Variants in GPBP1L1 observed in about 807,000 individuals in gnomAD.
GPBP1L1 encodes the protein vasculin-like protein 1.
A neutral mutation model predicts 52.5 loss-of-function variants in GPBP1L1; 23 were observed. That is an observed-to-expected ratio of 0.44 (90% confidence interval 0.32 to 0.62). GPBP1L1 has a LOEUF of 0.62. GPBP1L1 is among the 20% of genes least tolerant of loss of function. The pLI is 0.06. For synonymous variants in GPBP1L1, 243 were observed against 203.1 expected (o/e 1.20, Z -1.67); for missense variants, 596 against 579.3 (o/e 1.03, Z -0.30).
chr1:45,633,899 T>C, intron 9 of GPBP1L1, 197 bp downstream of exon 9: 2 of 672,518 alleles, frequency 3.0e-6, no homozygotes, highest in Non-Finnish European at 2.4e-6. Flanking sequence ...TAGGATGACC[T>C]TGGTCCACCA....
At chr1:45,630,335 C>T in intron 11 of GPBP1L1, 147 bp downstream of exon 11, 1 of 864,510 alleles carries the variant, frequency 1.2e-6, no homozygotes, top group Non-Finnish European at 1.8e-6. Context: ...GAGCAACAGG[C>T]CAACCTGGGG....
intron 7 of GPBP1L1, among the ~76,000 whole-genome samples, chr1:45,642,091 T>C (rs924177027): frequency 7.9e-5 from 12 of 152,116 alleles, no homozygotes; most frequent in Non-Finnish European, 1.2e-4. Flanking sequence ...TGAGCTGAGA[T>C]TGCGCCACTG....
chr1:45,649,779 T>C (rs1384657794), intron 6 of GPBP1L1, among the ~76,000 whole-genome samples: 2 of 152,186 alleles, frequency 1.3e-5, no homozygotes, highest in Non-Finnish European at 2.9e-5. Context: ...TGAAGATTAT[T>C]AACACTTCCA....
In GPBP1L1 at chr1:45,676,697, C is replaced by T. The variant is rs549746173; in HGVS notation, c.-1098+8879G>A. 1.5e-4 allele frequency among the ~76,000 whole-genome samples: 19 copies of T among 129,494 alleles called. No homozygotes were observed. In the East Asian group the frequency reaches 4.2e-3, roughly 29 times the overall value. The allele number at this position is 129,494 out of a possible 152,430, so 85.0% of individuals were successfully genotyped here. A position where few individuals can be genotyped will look rare whatever the true frequency, so the allele number is the denominator to read the frequency against. ...TGCATTCCAGCCTGGGCAACAAGAG[C>T]GAAACTCTGTCTCAAAAAAAAAAAA... On this transcript the variant is annotated intron_variant, in intron 2 of 12. Transcript: ENST00000355105.
chr1:45,650,572 A>T (rs766383672), intron 6 of GPBP1L1, among the ~76,000 whole-genome samples: 2 of 152,272 alleles, frequency 1.3e-5, no homozygotes, highest in African/African-American at 2.4e-5. Flanking sequence ...ATACGATTTT[A>T]AAATAATTTT....
In GPBP1L1 at chr1:45,655,497, T is replaced by C. The variant is rs1220621526; in HGVS notation, c.61-178A>G. 7.2e-6 allele frequency: 4 copies of C among 554,108 alleles called. No homozygotes were observed. The East Asian group carries it at 1.3e-4, about 18-fold the overall frequency. The allele number at this position is 554,108 out of a possible 1,614,324, so 34.3% of individuals were successfully genotyped here. On this transcript the variant is annotated intron_variant, in intron 4 of 12. Coordinates refer to ENST00000355105, the MANE Select transcript of GPBP1L1 (RefSeq NM_021639.5). The stretch of plus-strand genomic sequence containing the variant: ...GTGCCTAATTTAGAGAAGTCCTAGG[T>C]TATATATTCAATTGCTAATTCACTT...
chr1:45,648,076 G>A (rs1178129479), intron 6 of GPBP1L1, among the ~76,000 whole-genome samples: 1 of 152,002 alleles, frequency 6.6e-6, no homozygotes, highest in Non-Finnish European at 1.5e-5. Flanking sequence ...GAGTAGCTGG[G>A]ACTACCAGGT....
In GPBP1L1 at chr1:45,628,045, C is replaced by G; in HGVS notation, c.*211G>C. 1.9e-6 allele frequency: 1 copy of G among 530,970 alleles called. No individual in the cohort carries two copies. The highest frequency in any genetic ancestry group is 2.2e-5 in the South Asian group (1 of 46,142). 32.9% of individuals were successfully genotyped at this position (530,970 alleles called of 1,614,324 possible). ...GTGAGTGTGTTTAAAAAATCTGTCC[C>G]ACCACACAAACTTCTCTCTATAAAG... On this transcript the variant is annotated 3_prime_UTR_variant, in exon 13 of 13. Transcript: ENST00000355105.
chr1:45,680,233 C>A (rs1277838920), intron 2 of GPBP1L1, among the ~76,000 whole-genome samples: 1 of 143,974 alleles, frequency 6.9e-6, no homozygotes, highest in Non-Finnish European at 1.5e-5. Flanking sequence ...GATTGAGACA[C>A]GCTTTTTTTT....
intron 10 of GPBP1L1, among the ~76,000 whole-genome samples, chr1:45,632,399 T>C (rs765937368): frequency 5.3e-5 from 8 of 151,936 alleles, no homozygotes; most frequent in Non-Finnish European, 1.0e-4. Context: ...TGAAACTCCA[T>C]CTCAAAAAAT....
intron 2 of GPBP1L1, among the ~76,000 whole-genome samples, chr1:45,683,901 GAC>G (rs371748213): frequency 1.4e-4 from 21 of 146,690 alleles, no homozygotes; most frequent in African/African-American, 5.3e-4. Context: ...CAATCTGGGT[GAC>G]AGAGTGAGAC....
chr1:45,628,798 G>C (rs549712896), intron 12 of GPBP1L1, among the ~76,000 whole-genome samples: 5 of 152,274 alleles, frequency 3.3e-5, no homozygotes, highest in South Asian at 4.1e-4. Context: ...CAAGTAGCTT[G>C]GATTACAGGC....
chr1:45,639,660 A>G (rs1644644378), intron 8 of GPBP1L1, among the ~76,000 whole-genome samples: 1 of 151,650 alleles, frequency 6.6e-6, no homozygotes, highest in Non-Finnish European at 1.5e-5. Flanking sequence ...GCGGATCACG[A>G]GGTCAGGAGA....
chr1:45,634,843 C>T (rs1644574557), intron 8 of GPBP1L1: 1 of 152,240 alleles, frequency 6.6e-6, no homozygotes, highest in African/African-American at 2.4e-5. Flanking sequence ...GCCATAACCC[C>T]AAGTATGATA....
In GPBP1L1 at chr1:45,648,683, T is replaced by C. The variant is rs1457229906; in HGVS notation, c.477+5860A>G. ...TTGACGTAGATGGCATCTGTAGATTTTGTTGGTTCCTCAACTCTACTTGCT... is the reference window on the plus strand; with the variant it reads ...TTGACGTAGATGGCATCTGTAGATTCTGTTGGTTCCTCAACTCTACTTGCT... On this transcript the variant is annotated intron_variant, in intron 6 of 12. Transcript: ENST00000355105. Among the ~76,000 whole-genome samples, 9 of 152,360 alleles carry C rather than the reference T, an allele frequency of 5.9e-5. No individual in the cohort carries two copies. The South Asian group carries it at 1.4e-3, about 25-fold the overall frequency.
At chr1:45,670,308 G>C (rs967187441) in intron 2 of GPBP1L1, among the ~76,000 whole-genome samples, 1 of 152,132 alleles carries the variant, frequency 6.6e-6, no homozygotes, top group South Asian at 2.1e-4. Context: ...TCTTTTGGTT[G>C]TTGATCTTAT....
At chr1:45,639,877 C>A (rs1299845589) in intron 8 of GPBP1L1, among the ~76,000 whole-genome samples, 1 of 151,196 alleles carries the variant, frequency 6.6e-6, no homozygotes, top group Non-Finnish European at 1.5e-5. Context: ...GGCTCCATCT[C>A]AAAAAAACAA....
chr1:45,636,263 T>G (rs1318816186), intron 8 of GPBP1L1, among the ~76,000 whole-genome samples: 2 of 152,182 alleles, frequency 1.3e-5, no homozygotes, highest in African/African-American at 4.8e-5. Flanking sequence ...TCTCTTTACC[T>G]CTTGAATTCC....
chr1:45,677,980 C>T lies in GPBP1L1; in HGVS notation c.-1098+7596G>A, dbSNP rs572466879. Among the ~76,000 whole-genome samples the T allele has an allele frequency of 3.3e-4, 50 of 152,290 alleles. No individual in the cohort carries two copies. In the South Asian group the frequency reaches 0.01, roughly 31 times the overall value. ...CTATGACCCATTAATCCTAATCACC[C>T]ATGACCACAAGAAATTCTGATAACA... is the stretch of plus-strand genomic sequence containing the variant. On this transcript the variant is annotated intron_variant, in intron 2 of 12. Transcript: ENST00000355105.
Sources: gnomAD v4.1 joint callset for allele counts (sites outside exome capture counted in the v4.1 genomes callset) on GRCh38, gnomAD v4.1.1 for gene constraint, MANE v1.5 for transcripts, NCBI Gene and HGNC (gene_info 2026-07-23, HGNC 2026-07-21) for gene names.